MAF: variants seen among roughly 807,000 people sequenced by gnomAD.
The protein encoded by MAF is transcription factor Maf.
A neutral mutation model predicts 22.0 loss-of-function variants in MAF; 10 were observed. The ratio of observed to expected loss-of-function variants is 0.45; its 90% CI spans 0.28 to 0.77. MAF has a LOEUF of 0.77. MAF is among the 30% of genes least tolerant of loss of function. The pLI is 0.12. For missense variants in MAF, 544 were observed against 548.4 expected (o/e 0.99, Z 0.08); for synonymous variants, 337 against 255.8 (o/e 1.32, Z -3.03).
At chr16:79,289,867 T>G in the MAF span, among the ~76,000 whole-genome samples, 4 of 118,510 alleles carry the variant, frequency 3.4e-5, no homozygotes, top group African/African-American at 9.6e-5. Context: ...TTTTTTTTTT[T>G]TGTGAGACGG....
At chr16:79,241,551 C>G in the MAF span, among the ~76,000 whole-genome samples, 7 of 151,900 alleles carry the variant, frequency 4.6e-5, no homozygotes, top group African/African-American at 1.7e-4. Context: ...TGTGAAAAGA[C>G]CAAATCTACA....
chr16:79,388,710 C>G, the MAF span, among the ~76,000 whole-genome samples: 1 of 152,152 alleles, frequency 6.6e-6, no homozygotes, highest in Non-Finnish European at 1.5e-5. Context: ...CAAAAATATA[C>G]AGGAAAATTT....
the MAF span, among the ~76,000 whole-genome samples, chr16:79,247,042 T>G: frequency 6.6e-5 from 10 of 152,214 alleles, no homozygotes; most frequent in Non-Finnish European, 1.3e-4. Flanking sequence ...ATGAGGAAAA[T>G]AAATCACAGT....
chr16:79,391,229 A>G, the MAF span, among the ~76,000 whole-genome samples: 2 of 152,164 alleles, frequency 1.3e-5, no homozygotes, highest in South Asian at 2.1e-4. Flanking sequence ...TCCCTCATCT[A>G]TACAATGGGA....
downstream of MAF, chr16:79,585,757 C>T: frequency 1.8e-6 from 1 of 567,576 alleles, no homozygotes; most frequent in Non-Finnish European, 3.1e-6. Context: ...AGGAACTTTT[C>T]ACACCTAAAA....
chr16:79,518,643 A>G, the MAF span, among the ~76,000 whole-genome samples: 2 of 152,230 alleles, frequency 1.3e-5, no homozygotes, highest in East Asian at 3.9e-4. Flanking sequence ...TACATAGTAA[A>G]GTTATCGTGA....
At chr16:79,408,694 C>A in the MAF span, among the ~76,000 whole-genome samples, 2 of 151,880 alleles carry the variant, frequency 1.3e-5, no homozygotes, top group African/African-American at 4.8e-5. Flanking sequence ...TCCCTCCCCT[C>A]CATCCCTTTC....
chr16:79,508,761 C>T, the MAF span, among the ~76,000 whole-genome samples: 1 of 152,164 alleles, frequency 6.6e-6, no homozygotes, highest in African/African-American at 2.4e-5. Context: ...AGAAGACACA[C>T]CAGAAAGGGC....
At chr16:79,313,458 C>G in the MAF span, among the ~76,000 whole-genome samples, 1 of 152,168 alleles carries the variant, frequency 6.6e-6, no homozygotes, top group African/African-American at 2.4e-5. Flanking sequence ...TCACCTCCCA[C>G]TGTAAATACA....
the MAF span, among the ~76,000 whole-genome samples, chr16:79,419,673 T>A: frequency 6.6e-6 from 1 of 152,180 alleles, no homozygotes; most frequent in Admixed American, 6.5e-5. Flanking sequence ...GATGATTTTC[T>A]GGAGCCGGGG....
At chr16:79,282,436 C>T in the MAF span, among the ~76,000 whole-genome samples, 2 of 152,094 alleles carry the variant, frequency 1.3e-5, no homozygotes, top group Non-Finnish European at 2.9e-5. Flanking sequence ...TAGGGTATCC[C>T]TCCTCTAAAA....
the MAF span, among the ~76,000 whole-genome samples, chr16:79,464,232 T>C: frequency 1.3e-5 from 2 of 152,238 alleles, no homozygotes; most frequent in African/African-American, 4.8e-5. Context: ...ACACCAGGGA[T>C]AATGACTCAG....
chr16:79,461,647 T>C, the MAF span, among the ~76,000 whole-genome samples: 8 of 152,094 alleles, frequency 5.3e-5, no homozygotes, highest in African/African-American at 1.4e-4. Flanking sequence ...TTTTGTTAAG[T>C]AGGGAGCAGT....
the MAF span, among the ~76,000 whole-genome samples, chr16:79,428,352 T>C: frequency 3.3e-5 from 5 of 152,010 alleles, no homozygotes; most frequent in Admixed American, 3.3e-4. Flanking sequence ...GATGTTTAGG[T>C]CCCTTTTCTG....
chr16:79,534,973 C>G, the MAF span, among the ~76,000 whole-genome samples: 2 of 152,172 alleles, frequency 1.3e-5, no homozygotes, highest in Non-Finnish European at 1.5e-5. Flanking sequence ...AATATCCCCT[C>G]CTTTGTAAGC....
chr16:79,555,870 T>C, the MAF span, among the ~76,000 whole-genome samples: 1 of 152,204 alleles, frequency 6.6e-6, no homozygotes, highest in Non-Finnish European at 1.5e-5. Flanking sequence ...GAATTTGGGA[T>C]AGGGATATAA....
At chr16:79,574,731 C>T in the MAF span, among the ~76,000 whole-genome samples, 1 of 152,170 alleles carries the variant, frequency 6.6e-6, no homozygotes, top group South Asian at 2.1e-4. Context: ...CCAACTTCAA[C>T]TCACTTTCCC....
the MAF span, among the ~76,000 whole-genome samples, chr16:79,395,015 G>C: frequency 6.6e-6 from 1 of 152,156 alleles, no homozygotes; most frequent in East Asian, 1.9e-4. Flanking sequence ...TAAATGCTTA[G>C]TAAATTTATT....
chr16:79,447,905 A>AAAG, the MAF span, among the ~76,000 whole-genome samples: 1 of 85,808 alleles, frequency 1.2e-5, no homozygotes, highest in African/African-American at 4.6e-5. Context: ...AAAAAAAAAA[A>AAAG]AAAAGAAAAG....
Sources: gnomAD v4.1 joint callset for allele counts (sites outside exome capture counted in the v4.1 genomes callset) on GRCh38, gnomAD v4.1.1 for gene constraint, MANE v1.5 for transcripts, NCBI Gene and HGNC (gene_info 2026-07-23, HGNC 2026-07-21) for gene names.